The following SH2D4B variants were observed in gnomAD, a reference collection of about 807,000 sequenced individuals.
The protein encoded by SH2D4B is SH2 domain-containing protein 4B.
Under a neutral mutation model 61.5 loss-of-function variants are expected in SH2D4B, and 45 were observed. The observed-to-expected ratio is 0.73, with a 90% confidence interval of 0.58 to 0.94. The LOEUF is 0.94. Ranked by LOEUF, SH2D4B falls within the 40% of genes least tolerant of loss-of-function variation. The pLI is 0.00. For missense variants in SH2D4B, 572 were observed against 574.2 expected (o/e 1.00, Z 0.04); for synonymous variants, 224 against 220.4 (o/e 1.02, Z -0.14).
intron 6 of SH2D4B, among the ~76,000 whole-genome samples, chr10:80,628,275 G>A (rs1228273191): frequency 6.6e-6 from 1 of 152,168 alleles, no homozygotes; most frequent in Non-Finnish European, 1.5e-5. Context: ...GGTAATTTGA[G>A]TAATGGAAGC....
At chr10:80,585,789 CT>C (rs1842238672) in intron 3 of SH2D4B, among the ~76,000 whole-genome samples, 1 of 152,222 alleles carries the variant, frequency 6.6e-6, no homozygotes, top group South Asian at 2.1e-4. Flanking sequence ...CTTGAGGAGC[CT>C]TTCAGCCCAC....
At position 80,643,919 on chromosome 10, in the gene SH2D4B, C is replaced by T. The variant is rs79866893; in HGVS notation, c.1210-74C>T. 7.9e-4 allele frequency: 917 copies of T among 1,163,990 alleles called. 9 individuals carry two copies. The East Asian group carries it at 0.021, about 26-fold the overall frequency. The allele number at this position is 1,163,990 out of a possible 1,614,324, so 72.1% of individuals were successfully genotyped here. ...TATTCTTAGTTTCTCTGTCTTGAAC[C>T]ACTCTCTCTCTCTCATAGATGTGTA... On this transcript the variant is annotated intron_variant, in intron 7 of 7. Coordinates refer to ENST00000646907, the MANE Select transcript of SH2D4B (RefSeq NM_001388272.1).
intron 1 of SH2D4B, among the ~76,000 whole-genome samples, chr10:80,560,285 C>A (rs1841887424): frequency 6.6e-6 from 1 of 152,006 alleles, no homozygotes; most frequent in African/African-American, 2.4e-5. Flanking sequence ...CCGTGCCCGG[C>A]TGCACCTTTT....
Position 80,609,490 on chromosome 10 carries a change from G to C in SH2D4B, c.927G>C (p.Glu309Asp). 1 of 1,614,216 alleles carries C rather than the reference G, an allele frequency of 6.2e-7. No homozygotes were observed. The highest frequency in any genetic ancestry group is 2.2e-5 in the East Asian group (1 of 44,870). The change falls in exon 6 of 8, where the codon GAG becomes GAC. Residue 309 changes from glutamate (E) to aspartate (D), a missense_variant. Transcript: ENST00000646907. The part of the protein sequence containing the change: ...RDVIVRWFKE[E>D]QLPRRAGFER... ...TCATCGTCCGCTGGTTTAAGGAGGAGCAGCTGCCTCGCCGAGCTGGCTTCG... is the reference window on the plus strand; with the variant it reads ...TCATCGTCCGCTGGTTTAAGGAGGACCAGCTGCCTCGCCGAGCTGGCTTCG...
intron 3 of SH2D4B, among the ~76,000 whole-genome samples, chr10:80,578,001 G>T (rs1051437878): frequency 1.1e-4 from 16 of 150,346 alleles, no homozygotes; most frequent in African/African-American, 3.9e-4. Flanking sequence ...GACAGGGTCC[G>T]GCTCTGTTAC....
intron 1 of SH2D4B, chr10:80,540,950 A>T: frequency 6.8e-7 from 1 of 1,479,210 alleles, no homozygotes; most frequent in Non-Finnish European, 9.3e-7. Flanking sequence ...CCCCAGCCCC[A>T]GTTGATGTCC....
chr10:80,646,281 A>G lies in SH2D4B; in HGVS notation c.*2196A>G, dbSNP rs1840394367. ...GAACTCCCAGCAGCTTTGAAAGCAG[A>G]CTGAGATGAGTTGAGACCCTGAATC... On this transcript the variant is annotated 3_prime_UTR_variant, in exon 8 of 8. Coordinates refer to ENST00000646907, the MANE Select transcript of SH2D4B (RefSeq NM_001388272.1). The G allele has an allele frequency of 6.6e-6, 1 of 152,650 alleles. No homozygotes were observed. The highest frequency in any genetic ancestry group is 6.5e-5 in the Admixed American group (1 of 15,278). The allele number at this position is 152,650 out of a possible 1,614,324, so 9.5% of individuals were successfully genotyped here. A position where few individuals can be genotyped will look rare whatever the true frequency, so the allele number is the denominator to read the frequency against.
At chr10:80,544,993 C>G (rs757936865) in intron 1 of SH2D4B, among the ~76,000 whole-genome samples, 8 of 152,186 alleles carry the variant, frequency 5.3e-5, no homozygotes, top group Non-Finnish European at 8.8e-5. Flanking sequence ...GTCACCCACT[C>G]GCAATGAGCC....
chr10:80,591,941 G>A (rs904816359), intron 4 of SH2D4B, among the ~76,000 whole-genome samples: 3 of 152,086 alleles, frequency 2.0e-5, no homozygotes, highest in African/African-American at 7.2e-5. Context: ...ATCTCTTAAA[G>A]GTCTCACCTC....
At chr10:80,597,608 G>A (rs1842398823) in intron 4 of SH2D4B, among the ~76,000 whole-genome samples, 1 of 152,204 alleles carries the variant, frequency 6.6e-6, no homozygotes. Flanking sequence ...GGAGGTTGCA[G>A]TGAGCTGAGA....
At chr10:80,627,861 TAC>T (rs1380598122) in intron 6 of SH2D4B, among the ~76,000 whole-genome samples, 2 of 152,050 alleles carry the variant, frequency 1.3e-5, no homozygotes, top group Non-Finnish European at 2.9e-5. Context: ...AAACAATGTT[TAC>T]CATTGTCTGG....
rs578049262 is a variant in SH2D4B at position 80,641,848 on chromosome 10, C to T, written c.1210-2145C>T. 1.2e-4 allele frequency among the ~76,000 whole-genome samples: 18 copies of T among 152,242 alleles called. No homozygotes were observed. The East Asian group carries it at 3.5e-3, about 29-fold the overall frequency. On this transcript the variant is annotated intron_variant, in intron 7 of 7. Transcript: ENST00000646907. ...ACACTAAGGAGAGATATCATTTATG[C>T]CAATGTGGAGATCTGGTGGCCAACT...
chr10:80,640,642 G>A (rs1340173907), intron 7 of SH2D4B, among the ~76,000 whole-genome samples: 1 of 152,128 alleles, frequency 6.6e-6, no homozygotes. Flanking sequence ...GCTCCATCAG[G>A]TCATTTAAGG....
chr10:80,587,917 G>A (rs934088663), intron 3 of SH2D4B, among the ~76,000 whole-genome samples: 9 of 152,134 alleles, frequency 5.9e-5, no homozygotes, highest in African/African-American at 1.9e-4. Context: ...TGCAGAGGAC[G>A]TGACTTCATT....
chr10:80,562,894 C>CTTTTTTTT (rs34539206), intron 1 of SH2D4B, among the ~76,000 whole-genome samples: 1,604 of 74,794 alleles, frequency 0.021, 2 homozygotes, highest in Non-Finnish European at 0.029. Context: ...AACATTTTTT[C>CTTTTTTTT]TTTTTTTTTT....
intron 2 of SH2D4B, 36 bp from the exon 3 acceptor site, chr10:80,571,395 T>C (rs750885078): frequency 6.3e-7 from 1 of 1,582,004 alleles, no homozygotes; most frequent in Admixed American, 1.9e-5. Flanking sequence ...CTTCAGTTTT[T>C]CACACAAGCT....
chr10:80,554,424 C>T (rs919159955), intron 1 of SH2D4B, among the ~76,000 whole-genome samples: 1 of 151,950 alleles, frequency 6.6e-6, no homozygotes, highest in African/African-American at 2.4e-5. Context: ...AGAAACAGAA[C>T]CAATTGGATG....
intron 4 of SH2D4B, among the ~76,000 whole-genome samples, chr10:80,592,715 C>CTTTTT (rs60807866): frequency 0.11 from 14,848 of 134,242 alleles, 983 homozygotes; most frequent in East Asian, 0.23. Context: ...CTCTCTGTCT[C>CTTTTT]TTTTTTTTTT....
chr10:80,583,340 A>G (rs916192227), intron 3 of SH2D4B, among the ~76,000 whole-genome samples: 1 of 152,154 alleles, frequency 6.6e-6, no homozygotes, highest in Non-Finnish European at 1.5e-5. Flanking sequence ...TGGAAGATAA[A>G]GTCGATGAAA....
Sources: allele counts gnomAD v4.1 joint callset (sites outside exome capture counted in the v4.1 genomes callset), GRCh38; gene constraint gnomAD v4.1.1; transcripts MANE v1.5; gene names NCBI Gene and HGNC (gene_info 2026-07-23, HGNC 2026-07-21).